Variants in CDH13 observed in about 807,000 individuals in gnomAD.
CDH13 encodes the protein cadherin 13.
Under a neutral mutation model 63.8 loss-of-function variants are expected in CDH13, and 24 were observed. That is an observed-to-expected ratio of 0.38 (90% confidence interval 0.27 to 0.53). CDH13 has a LOEUF of 0.53. CDH13 is among the 20% of genes least tolerant of loss of function. CDH13 has a pLI of 0.85. For missense variants in CDH13, 1,049 were observed against 903.1 expected, an observed-to-expected ratio of 1.16 and a Z score of -2.07; for synonymous variants, 503 against 355.3, an observed-to-expected ratio of 1.42 and a Z score of -4.67.
At chr16:83,312,980 G>A (rs2090032864) in intron 5 of CDH13, among the ~76,000 whole-genome samples, 2 of 152,132 alleles carry the variant, frequency 1.3e-5, no homozygotes, top group South Asian at 4.1e-4. Flanking sequence ...GTGCTTGCAG[G>A]GAGTCACTAG....
intron 8 of CDH13, among the ~76,000 whole-genome samples, chr16:83,609,930 T>G (rs1447159044): frequency 6.6e-6 from 1 of 152,170 alleles, no homozygotes; most frequent in Non-Finnish European, 1.5e-5. Flanking sequence ...CCTCTATGGA[T>G]TAGTTTATTC....
chr16:83,266,672 G>C (rs1434385555), intron 5 of CDH13, among the ~76,000 whole-genome samples: 2 of 152,172 alleles, frequency 1.3e-5, no homozygotes, highest in Admixed American at 6.5e-5. Context: ...TTTAAGTAAG[G>C]ACAAACATTA....
At chr16:82,988,761 C>CAA (rs34153442) in intron 2 of CDH13, among the ~76,000 whole-genome samples, 1 of 99,168 alleles carries the variant, frequency 1.0e-5, no homozygotes, top group African/African-American at 3.8e-5. Flanking sequence ...AACTCCAACT[C>CAA]AAAAAAAAAA....
intron 1 of CDH13, among the ~76,000 whole-genome samples, chr16:82,668,630 T>A (rs896440394): frequency 6.6e-5 from 10 of 152,218 alleles, no homozygotes; most frequent in Admixed American, 5.2e-4. Flanking sequence ...ATCTACAGAT[T>A]CAGCATTCCT....
chr16:83,096,412 A>G (rs565519849), intron 3 of CDH13, among the ~76,000 whole-genome samples: 1 of 152,326 alleles, frequency 6.6e-6, no homozygotes, highest in Non-Finnish European at 1.5e-5. Context: ...AAAGTTATCC[A>G]ATAGCTACTG....
At chr16:83,118,812 G>A (rs1184988015) in intron 3 of CDH13, among the ~76,000 whole-genome samples, 1 of 152,064 alleles carries the variant, frequency 6.6e-6, no homozygotes, top group African/African-American at 2.4e-5. Flanking sequence ...CCTCTTCTCT[G>A]AGGCTGATGT....
intron 6 of CDH13, among the ~76,000 whole-genome samples, chr16:83,461,020 C>CACACAG (rs2073166711): frequency 1.3e-5 from 2 of 150,986 alleles, no homozygotes; most frequent in African/African-American, 4.9e-5. Flanking sequence ...CACACACACA[C>CACACAG]AGAACAAACA....
intron 1 of CDH13, among the ~76,000 whole-genome samples, chr16:82,747,110 C>G (rs1243848083): frequency 6.6e-6 from 1 of 152,122 alleles, no homozygotes; most frequent in East Asian, 1.9e-4. Context: ...AGTTTTATTT[C>G]CAGTGGGACT....
At chr16:82,900,161 G>T (rs1162191265) in intron 2 of CDH13, among the ~76,000 whole-genome samples, 2 of 152,144 alleles carry the variant, frequency 1.3e-5, no homozygotes, top group Non-Finnish European at 2.9e-5. Flanking sequence ...AGTGATTCTT[G>T]CTGGGCCCCT....
rs190471285 is a variant in CDH13, at chr16:82,704,010, C to G, written c.45+76873C>G. 2.0e-3 allele frequency among the ~76,000 whole-genome samples: 311 copies of G among 152,308 alleles called. 1 individual carries two copies. The highest frequency in any genetic ancestry group is 7.3e-3 in the African/African-American group (304 of 41,556). ...GCTTCGGTTTTTCTCCTTTCTGCTT[C>G]ATCTCCAGCCCCTCCTTTGCAACAG... On this transcript the variant is annotated intron_variant, in intron 1 of 13. Transcript: ENST00000567109.
intron 5 of CDH13, among the ~76,000 whole-genome samples, chr16:83,336,833 G>C (rs1261036017): frequency 6.6e-6 from 1 of 152,078 alleles, no homozygotes; most frequent in East Asian, 1.9e-4. Flanking sequence ...GTGTTGCTTG[G>C]GTCATCTCAT....
At chr16:83,352,663 G>A (rs576597936) in intron 6 of CDH13, among the ~76,000 whole-genome samples, 5 of 152,304 alleles carry the variant, frequency 3.3e-5, no homozygotes, top group African/African-American at 1.2e-4. Flanking sequence ...GGGTGAGGCA[G>A]GTGGATCACG....
chr16:83,460,502 C>T (rs575391056), intron 6 of CDH13, among the ~76,000 whole-genome samples: 16 of 152,250 alleles, frequency 1.1e-4, no homozygotes, highest in African/African-American at 3.6e-4. Context: ...TAGCTCCGTA[C>T]CCGGCAGTGT....
chr16:82,662,607 G>C (rs904665266), intron 1 of CDH13, among the ~76,000 whole-genome samples: 13 of 152,198 alleles, frequency 8.5e-5, no homozygotes, highest in African/African-American at 2.9e-4. Flanking sequence ...GGCATACCCT[G>C]CTTTTCCTGA....
Position 83,379,919 on chromosome 16 carries a change from G to GTATATATA in CDH13, c.781+34926_781+34933dup, listed in dbSNP as rs747045728. On this transcript the variant is annotated intron_variant, in intron 6 of 13. Coordinates refer to ENST00000567109, the MANE Select transcript of CDH13 (RefSeq NM_001257.5). The stretch of plus-strand genomic sequence containing the variant: ...ATATATGTATTATATATGTGTGTGT[G>GTATATATA]TATATATATATATATATATAGAGAG... Among the ~76,000 whole-genome samples, 965 of 126,322 alleles carry GTATATATA rather than the reference G, an allele frequency of 7.6e-3. 23 individuals carry two copies. Among genetic ancestry groups the GTATATATA allele is most frequent in the African/African-American group, 0.027 (841 of 31,132 alleles). The allele number at this position is 126,322 out of a possible 152,430, so 82.9% of individuals were successfully genotyped here.
intron 3 of CDH13, among the ~76,000 whole-genome samples, chr16:83,113,735 A>C (rs1008380188): frequency 3.3e-5 from 5 of 152,300 alleles, no homozygotes; most frequent in Non-Finnish European, 7.3e-5. Flanking sequence ...AACCAGGCAC[A>C]AGAGGGGAGG....
chr16:83,722,452 A>T lies in CDH13; in HGVS notation c.1539-25656A>T, dbSNP rs147514536. Among the ~76,000 whole-genome samples the T allele has an allele frequency of 2.0e-3, 299 of 152,318 alleles. 1 individual carries two copies. The highest frequency in any genetic ancestry group is 5.9e-3 in the African/African-American group (246 of 41,586). On this transcript the variant is annotated intron_variant, in intron 10 of 13. Transcript: ENST00000567109. ...TCTCTTTGTAGCTGTGCATTCAGTG[A>T]CATCGTGGGAGTAACTCGAAACTGG...
chr16:83,106,259 G>T (rs2034758474), intron 3 of CDH13, among the ~76,000 whole-genome samples: 1 of 152,178 alleles, frequency 6.6e-6, no homozygotes, highest in Non-Finnish European at 1.5e-5. Context: ...ATACAAGCAG[G>T]CCAGGCACCA....
chr16:83,732,051 A>G (rs1016385215), intron 10 of CDH13, among the ~76,000 whole-genome samples: 3 of 152,262 alleles, frequency 2.0e-5, no homozygotes, highest in Non-Finnish European at 4.4e-5. Context: ...TATTCAAAAA[A>G]TATTGAAAAA....
Sources: allele counts gnomAD v4.1 joint callset (sites outside exome capture counted in the v4.1 genomes callset), GRCh38; gene constraint gnomAD v4.1.1; transcripts MANE v1.5; gene names NCBI Gene and HGNC (gene_info 2026-07-23, HGNC 2026-07-21).